PTPRN2: variants seen among roughly 807,000 people sequenced by gnomAD.
PTPRN2 encodes protein tyrosine phosphatase receptor type N2, also known as receptor-type tyrosine-protein phosphatase N2.
A neutral mutation model predicts 118.8 loss-of-function variants in PTPRN2; 74 were observed. The ratio of observed to expected loss-of-function variants is 0.62; its 90% CI spans 0.52 to 0.76. PTPRN2 has a LOEUF of 0.76. PTPRN2 is among the 30% of genes least tolerant of loss of function. PTPRN2 has a pLI of 0.00. For missense variants in PTPRN2, 1,481 were observed against 1,394.4 expected (o/e 1.06, Z -0.99); for synonymous variants, 641 against 608.0 (o/e 1.05, Z -0.80).
intron 1 of PTPRN2, among the ~76,000 whole-genome samples, chr7:158,552,956 C>T (rs1826759022): frequency 6.6e-6 from 1 of 152,158 alleles, no homozygotes; most frequent in African/African-American, 2.4e-5. Flanking sequence ...GAATCTACAT[C>T]ATCTTTCCCA....
chr7:157,652,192 T>C (rs1234189193), intron 14 of PTPRN2, among the ~76,000 whole-genome samples: 1 of 152,206 alleles, frequency 6.6e-6, no homozygotes, highest in African/African-American at 2.4e-5. Flanking sequence ...GTGTAGAGAA[T>C]GCAGGCCCAG....
chr7:157,740,223 T>C (rs1015721474), intron 12 of PTPRN2: 2 of 152,410 alleles, frequency 1.3e-5, no homozygotes, highest in East Asian at 1.9e-4. Flanking sequence ...TTATTATGTA[T>C]ACATTGTTAA....
intron 6 of PTPRN2, among the ~76,000 whole-genome samples, chr7:158,157,713 C>G (rs10261447): frequency 0.62 from 94,341 of 152,068 alleles, 30,322 homozygotes; most frequent in East Asian, 0.79. Context: ...TGCAGTGAGA[C>G]GAACCCTGTT....
At chr7:158,231,784 C>T (rs565267310) in intron 3 of PTPRN2, among the ~76,000 whole-genome samples, 6 of 152,198 alleles carry the variant, frequency 3.9e-5, no homozygotes, top group Non-Finnish European at 8.8e-5. Flanking sequence ...TTTCTGACCA[C>T]CATAGACTAA....
chr7:157,660,944 G>A (rs1052444885), intron 13 of PTPRN2, among the ~76,000 whole-genome samples: 2 of 152,164 alleles, frequency 1.3e-5, no homozygotes, highest in Admixed American at 6.5e-5. Context: ...TAGTAGAGAC[G>A]GGCTTCACCA....
In PTPRN2 at chr7:157,671,676, C is replaced by T. The variant is rs1045516291; in HGVS notation, c.2001+11049G>A. Among the ~76,000 whole-genome samples, 11 of 152,060 alleles carry T rather than the reference C, an allele frequency of 7.2e-5. No individual in the cohort carries two copies. The highest frequency in any genetic ancestry group is 1.9e-4 in the East Asian group (1 of 5,168). The stretch of plus-strand genomic sequence containing the variant: ...AGGGCAGGGGCATGCGGGCTGGGGG[C>T]GGAGCGGCTACTGGAGCAGCTGCTT... On this transcript the variant is annotated intron_variant, in intron 13 of 22. Transcript: ENST00000389418. The surrounding 1 kb of genome is among the most constrained non-coding windows in gnomAD (Gnocchi z 4.1).
At chr7:157,943,695 C>T (rs1269249541) in intron 11 of PTPRN2, among the ~76,000 whole-genome samples, 1 of 151,856 alleles carries the variant, frequency 6.6e-6, no homozygotes, top group Non-Finnish European at 1.5e-5. Context: ...GCCAAAGCTC[C>T]CAGAGGCCAA....
chr7:158,441,766 C>G (rs1164913311), intron 2 of PTPRN2, among the ~76,000 whole-genome samples: 179 of 68,996 alleles, frequency 2.6e-3, no homozygotes, highest in African/African-American at 6.3e-3. Context: ...TAGTGATGGT[C>G]ATGGCAGTGG....
chr7:158,248,234 G>A (rs1342380352), intron 3 of PTPRN2, among the ~76,000 whole-genome samples: 1 of 152,122 alleles, frequency 6.6e-6, no homozygotes, highest in Non-Finnish European at 1.5e-5. Context: ...CGGGCTGGAG[G>A]CAAATGTCAG....
chr7:158,077,206 G>A (rs1812427573), intron 11 of PTPRN2, among the ~76,000 whole-genome samples: 1 of 152,160 alleles, frequency 6.6e-6, no homozygotes, highest in African/African-American at 2.4e-5. Flanking sequence ...CACAAGAGAG[G>A]AGGGGAGCCT....
At chr7:158,073,302 G>A (rs954639103) in intron 11 of PTPRN2, among the ~76,000 whole-genome samples, 2 of 152,228 alleles carry the variant, frequency 1.3e-5, no homozygotes, top group African/African-American at 4.8e-5. Context: ...CAGCCTGTGA[G>A]CCGCGGCTGC....
chr7:158,335,557 ACT>A (rs1258000380), intron 2 of PTPRN2, among the ~76,000 whole-genome samples: 1 of 28,724 alleles, frequency 3.5e-5, no homozygotes. Flanking sequence ...TCACACCCAC[ACT>A]CTCACCATAA....
In PTPRN2 at chr7:158,587,538, C is replaced by T. The variant is rs1829045394; in HGVS notation, c.112+20G>A. ...CAACTAATTCATTGAGGCGCCCCTC[C>T]CCCGGCGCCCCCCACTCACCCAGAC... is the stretch of plus-strand genomic sequence containing the variant. On this transcript the variant is annotated intron_variant, in intron 1 of 22. Transcript: ENST00000389418. 1.3e-5 allele frequency: 16 copies of T among 1,262,984 alleles called. No individual in the cohort carries two copies. Among genetic ancestry groups the T allele is most frequent in the Non-Finnish European group, 1.6e-5 (16 of 1,005,476 alleles). The allele number at this position is 1,262,984 out of a possible 1,614,324, so 78.2% of individuals were successfully genotyped here. A position where few individuals can be genotyped will look rare whatever the true frequency, so the allele number is the denominator to read the frequency against.
chr7:158,227,175 G>A (rs2150811599), intron 3 of PTPRN2, among the ~76,000 whole-genome samples: 1 of 152,248 alleles, frequency 6.6e-6, no homozygotes, highest in South Asian at 2.1e-4. Flanking sequence ...ATCTGTCAAA[G>A]TAAAGAGGAT....
intron 11 of PTPRN2, among the ~76,000 whole-genome samples, chr7:157,905,436 G>GT (rs1451038850): frequency 2.6e-5 from 4 of 152,098 alleles, no homozygotes; most frequent in African/African-American, 9.7e-5. Flanking sequence ...GAGAAAGCCC[G>GT]TTTTTATCTT....
At chr7:157,695,994 A>G (rs1404897826) in intron 12 of PTPRN2, among the ~76,000 whole-genome samples, 17 of 147,708 alleles carry the variant, frequency 1.2e-4, no homozygotes, top group African/African-American at 2.5e-4. Flanking sequence ...AGCCCTCACC[A>G]TCTACCCATG....
At chr7:157,551,858 C>T (rs112347843) in intron 21 of PTPRN2, among the ~76,000 whole-genome samples, 4 of 141,696 alleles carry the variant, frequency 2.8e-5, no homozygotes, top group South Asian at 2.4e-4. Context: ...ACAGCCAGCA[C>T]GCACCCCATG....
At chr7:157,997,818 T>G (rs77510707) in intron 11 of PTPRN2, among the ~76,000 whole-genome samples, 979 of 17,288 alleles carry the variant, frequency 0.057, 26 homozygotes, top group Middle Eastern at 0.11. Flanking sequence ...GCAGGGGAGA[T>G]GAGTGCACGG....
chr7:158,122,721 C>T (rs567717490), intron 9 of PTPRN2, among the ~76,000 whole-genome samples: 1 of 152,224 alleles, frequency 6.6e-6, no homozygotes, highest in Admixed American at 6.5e-5. Context: ...AAGTCATTGC[C>T]CAAAATTACA....
Sources: allele counts gnomAD v4.1 joint callset (sites outside exome capture counted in the v4.1 genomes callset), GRCh38; gene constraint gnomAD v4.1.1; non-coding constraint Gnocchi (gnomAD v3.1); transcripts MANE v1.5; gene names NCBI Gene and HGNC (gene_info 2026-07-23, HGNC 2026-07-21).